The following RERE variants were observed in gnomAD, a reference collection of about 807,000 sequenced individuals.
RERE encodes the protein arginine-glutamic acid dipeptide repeats protein.
A neutral mutation model predicts 146.1 loss-of-function variants in RERE; 40 were observed. The observed-to-expected ratio is 0.27, with a 90% confidence interval of 0.21 to 0.36. RERE has a LOEUF of 0.36. Among genes scored for constraint, RERE ranks in the 10% least tolerant of loss-of-function variants. RERE has a pLI of 1.00. For synonymous variants in RERE, 1,003 were observed against 866.0 expected (o/e 1.16, Z -2.78); for missense variants, 1,933 against 2,138.7 (o/e 0.90, Z 1.90).
At chr1:8,444,631 G>C (rs140004026) in intron 11 of RERE, among the ~76,000 whole-genome samples, 24 of 152,306 alleles carry the variant, frequency 1.6e-4, no homozygotes, top group African/African-American at 5.8e-4. Flanking sequence ...ATGGGGCCTG[G>C]TGGAAGGTTA....
At chr1:8,793,157 CAAA>C (rs1015889392) in intron 1 of RERE, among the ~76,000 whole-genome samples, 6 of 49,314 alleles carry the variant, frequency 1.2e-4, no homozygotes, top group Non-Finnish European at 1.8e-4. Context: ...ACTCCATCTC[CAAA>C]AAAAAAAAAA....
chr1:8,711,025 C>T (rs1300628905), intron 1 of RERE, among the ~76,000 whole-genome samples: 5 of 151,514 alleles, frequency 3.3e-5, no homozygotes, highest in East Asian at 1.9e-4. Flanking sequence ...GGCATGGTGG[C>T]GCATGCCTAT....
intron 4 of RERE, among the ~76,000 whole-genome samples, chr1:8,614,337 C>T (rs533901528): frequency 3.5e-4 from 53 of 152,150 alleles, no homozygotes; most frequent in African/African-American, 1.3e-3. Context: ...TCTGCTGGTG[C>T]CAAAATACCC....
At chr1:8,396,089 G>A (rs1479703997) in intron 12 of RERE, among the ~76,000 whole-genome samples, 1 of 152,204 alleles carries the variant, frequency 6.6e-6, no homozygotes, top group East Asian at 1.9e-4. Flanking sequence ...CCAGGGCTAA[G>A]AGCCTTAGTG....
intron 1 of RERE, chr1:8,753,319 A>G (rs1026819284): frequency 1.3e-5 from 2 of 152,212 alleles, no homozygotes; most frequent in African/African-American, 4.8e-5. Flanking sequence ...AATTTTTTAT[A>G]TTCCACGCAT....
chr1:8,598,389 G>C lies in RERE; in HGVS notation c.522+16172C>G, dbSNP rs140926178. Among the ~76,000 whole-genome samples, 565 of 152,318 alleles carry C rather than the reference G, an allele frequency of 3.7e-3. 1 individual carries two copies. The highest frequency in any genetic ancestry group is 0.013 in the African/African-American group (548 of 41,564). ...CAGCAGGTGACAGGTGGGACGTGAAGGGCATTCCCGGCCCTCCAGCAGAAG... is the reference window on the plus strand; with the variant it reads ...CAGCAGGTGACAGGTGGGACGTGAACGGCATTCCCGGCCCTCCAGCAGAAG... On this transcript the variant is annotated intron_variant, in intron 4 of 22. Coordinates refer to ENST00000400908, the MANE Select transcript of RERE (RefSeq NM_001042681.2).
In RERE at chr1:8,662,593, G is replaced by A. The variant is rs1287703364; in HGVS notation, c.-144-6152C>T. Among the ~76,000 whole-genome samples the A allele has an allele frequency of 3.9e-5, 6 of 152,326 alleles. No homozygotes were observed. The East Asian group carries it at 5.8e-4, about 15-fold the overall frequency. ...TAGTCCTAGCTACTTGGGAGGCTGA[G>A]GTGGGAGGTGGGAGGATTGTTTGAG... On this transcript the variant is annotated intron_variant, in intron 1 of 22. Transcript: ENST00000400908.
chr1:8,702,518 G>A (rs1189239669), intron 1 of RERE, among the ~76,000 whole-genome samples: 1 of 152,106 alleles, frequency 6.6e-6, no homozygotes, highest in East Asian at 1.9e-4. Context: ...GAGTACCTCC[G>A]CATTTTAGCT....
chr1:8,603,938 C>CAAAAA (rs61119278), intron 4 of RERE, among the ~76,000 whole-genome samples: 97,791 of 124,218 alleles, frequency 0.79, 38,409 homozygotes, highest in East Asian at 0.82. Context: ...GACCCTGTCT[C>CAAAAA]AAAAAAAAAA....
chr1:8,661,841 T>G (rs1638463453), intron 1 of RERE, among the ~76,000 whole-genome samples: 1 of 152,160 alleles, frequency 6.6e-6, no homozygotes, highest in African/African-American at 2.4e-5. Context: ...AATTTAGTTT[T>G]TAAAGCCATG....
intron 10 of RERE, among the ~76,000 whole-genome samples, chr1:8,486,046 C>T (rs1348320121): frequency 6.6e-6 from 1 of 152,170 alleles, no homozygotes; most frequent in Non-Finnish European, 1.5e-5. Context: ...GACCCGCCCA[C>T]CTCGGCCTCC....
intron 4 of RERE, among the ~76,000 whole-genome samples, chr1:8,568,891 G>C (rs1460365099): frequency 2.0e-5 from 3 of 152,130 alleles, no homozygotes; most frequent in African/African-American, 7.2e-5. Flanking sequence ...AATTGGTTCT[G>C]TCTCTCTGGA....
rs1641314109 is a variant in RERE, at chr1:8,356,821, C to T, written c.4340-575G>A. On this transcript the variant is annotated intron_variant, in intron 20 of 22. Transcript: ENST00000400908. The surrounding 1 kb of genome is among the most constrained non-coding windows in gnomAD (Gnocchi z 5.2). ...TCACTGCACCACCTCCTGCCCTCACCTCCTATCTCCCAGCTCCAGCCAACA... is the reference window on the plus strand; with the variant it reads ...TCACTGCACCACCTCCTGCCCTCACTTCCTATCTCCCAGCTCCAGCCAACA... Among the ~76,000 whole-genome samples, 3 of 152,180 alleles carry T rather than the reference C, an allele frequency of 2.0e-5. No individual in the cohort carries two copies. The highest frequency in any genetic ancestry group is 4.8e-5 in the African/African-American group (2 of 41,432).
chr1:8,598,697 C>T (rs1156910118), intron 4 of RERE, among the ~76,000 whole-genome samples: 3 of 152,220 alleles, frequency 2.0e-5, no homozygotes. Flanking sequence ...CAACCCTCTC[C>T]CCTCCATGCC....
chr1:8,636,154 A>G (rs1224252515), intron 2 of RERE, among the ~76,000 whole-genome samples: 1 of 152,046 alleles, frequency 6.6e-6, no homozygotes, highest in African/African-American at 2.4e-5. Context: ...ACACCCGGCT[A>G]ATTTTGTATT....
chr1:8,617,568 C>A (rs1432152825), intron 3 of RERE, among the ~76,000 whole-genome samples: 1 of 151,974 alleles, frequency 6.6e-6, no homozygotes, highest in Admixed American at 6.6e-5. Context: ...ATGGTACAAG[C>A]CAAGAAAGTA....
At chr1:8,568,813 T>G (rs558110404) in intron 4 of RERE, among the ~76,000 whole-genome samples, 1 of 152,286 alleles carries the variant, frequency 6.6e-6, no homozygotes, top group South Asian at 2.1e-4. Context: ...ATTATTCCCT[T>G]AATAAATCCC....
chr1:8,615,375 T>C (rs1183189319), intron 3 of RERE, among the ~76,000 whole-genome samples: 1 of 152,230 alleles, frequency 6.6e-6, no homozygotes, highest in African/African-American at 2.4e-5. Flanking sequence ...AAAACTAGTT[T>C]AGTATGTATC....
At chr1:8,811,840 G>A (rs1641817667) in intron 1 of RERE, among the ~76,000 whole-genome samples, 1 of 152,166 alleles carries the variant, frequency 6.6e-6, no homozygotes, top group South Asian at 2.1e-4. Context: ...TCCCCTTTGG[G>A]GTGGTATATT....
Sources: allele counts gnomAD v4.1 joint callset (sites outside exome capture counted in the v4.1 genomes callset), GRCh38; gene constraint gnomAD v4.1.1; non-coding constraint Gnocchi (gnomAD v3.1); transcripts MANE v1.5; gene names NCBI Gene and HGNC (gene_info 2026-07-23, HGNC 2026-07-21).